VAV2: variants seen among roughly 807,000 people sequenced by gnomAD.
VAV2 encodes vav guanine nucleotide exchange factor 2.
VAV2 carries 67 observed loss-of-function variants against 132.5 expected under a neutral mutation model. That is an observed-to-expected ratio of 0.51 (90% CI 0.42 to 0.62). The LOEUF is 0.62. Among genes scored for constraint, VAV2 ranks in the 20% least tolerant of loss-of-function variants. The pLI is 0.00. For missense variants in VAV2, 938 were observed against 1,153.6 expected (o/e 0.81, Z 2.71); for synonymous variants, 492 against 443.5 (o/e 1.11, Z -1.37).
intron 1 of VAV2, among the ~76,000 whole-genome samples, chr9:133,939,547 C>T (rs992729343): frequency 2.6e-5 from 4 of 152,186 alleles, no homozygotes; most frequent in African/African-American, 9.7e-5. Context: ...CGCCACTCCC[C>T]GTAACCGTAG....
chr9:133,822,704 T>C (rs747665683), intron 4 of VAV2, among the ~76,000 whole-genome samples: 1 of 152,092 alleles, frequency 6.6e-6, no homozygotes, highest in Non-Finnish European at 1.5e-5. Context: ...AGGAGACCCG[T>C]CCACCGGACT....
At chr9:133,877,153 C>T (rs1050118512) in intron 2 of VAV2, among the ~76,000 whole-genome samples, 11 of 152,172 alleles carry the variant, frequency 7.2e-5, no homozygotes, top group African/African-American at 2.4e-4. Context: ...CCTGCTAGAC[C>T]CCCTTCTGCC....
At chr9:133,787,750 C>T (rs1242958893) in intron 15 of VAV2, among the ~76,000 whole-genome samples, 1 of 152,110 alleles carries the variant, frequency 6.6e-6, no homozygotes, top group Non-Finnish European at 1.5e-5. Flanking sequence ...GCTTCGGCCC[C>T]GTCCCTGTAG....
At chr9:133,796,709 C>T (rs1367906635) in intron 10 of VAV2, among the ~76,000 whole-genome samples, 185 bp from the exon 11 acceptor site, 3 of 152,138 alleles carry the variant, frequency 2.0e-5, no homozygotes, top group Non-Finnish European at 4.4e-5. Flanking sequence ...GGGGGCTTCA[C>T]AACACATGGC....
intron 2 of VAV2, among the ~76,000 whole-genome samples, chr9:133,911,357 C>T (rs912264092): frequency 1.3e-5 from 2 of 152,152 alleles, no homozygotes; most frequent in Non-Finnish European, 1.5e-5. Flanking sequence ...AGCCTGCACA[C>T]GTGAAATGCG....
Position 133,804,930 on chromosome 9 carries a change from G to C in VAV2, c.836+1151C>G, listed in dbSNP as rs141716007. On this transcript the variant is annotated intron_variant, in intron 9 of 29. Transcript: ENST00000371850. This position sits in a 1 kb window ranked among gnomAD's most constrained non-coding sequence, Gnocchi z 4.5. ...ACTGCCTGCTCCCTCGTGTCTCCGG[G>C]AACCCTCCAAGCCATGGCCCCTGGA... is the stretch of plus-strand genomic sequence containing the variant. Among the ~76,000 whole-genome samples the C allele has an allele frequency of 1.6e-4, 25 of 152,280 alleles. No individual in the cohort carries two copies. Among genetic ancestry groups the C allele is most frequent in the Admixed American group, 1.6e-3 (24 of 15,308 alleles).
Position 133,807,306 on chromosome 9 carries a change from C to T in VAV2, c.687G>A (p.Arg229=), listed in dbSNP as rs1297947983. 1.9e-6 allele frequency: 3 copies of T among 1,610,926 alleles called. No homozygotes were observed. Among genetic ancestry groups the T allele is most frequent in the Non-Finnish European group, 2.5e-6 (3 of 1,179,262 alleles). Residue 229 remains arginine, a synonymous_variant, in exon 8 of 30, where the codon CGG becomes CGA. Coordinates refer to ENST00000371850, the MANE Select transcript of VAV2 (RefSeq NM_001134398.2). ...DIEKNYMSPL[R]LVLSPADMAA... is the part of the protein sequence containing the mutation. ...CCATGTCCGCCGGGCTCAGCACCAG[C>T]CGCAGGGGGCTCATGTAGTTCTGGA...
intron 2 of VAV2, among the ~76,000 whole-genome samples, chr9:133,913,933 C>T (rs1388680821): frequency 6.6e-6 from 1 of 152,240 alleles, no homozygotes; most frequent in Non-Finnish European, 1.5e-5. Context: ...GCCACTCCCC[C>T]AGACTCTGCC....
chr9:133,917,630 C>T (rs1005837682), intron 2 of VAV2, among the ~76,000 whole-genome samples: 3 of 151,102 alleles, frequency 2.0e-5, no homozygotes, highest in Admixed American at 2.0e-4. Flanking sequence ...CACTCCCTGT[C>T]CTAGCCTGCC....
At chr9:133,856,009 G>T (rs1285087494) in intron 3 of VAV2, among the ~76,000 whole-genome samples, 2 of 152,232 alleles carry the variant, frequency 1.3e-5, no homozygotes, top group Non-Finnish European at 2.9e-5. Context: ...GCTACGGCTG[G>T]GTGAACCTTG....
rs1388464197 is a variant in VAV2, at chr9:133,761,911, G to A, written c.*2151C>T. On this transcript the variant is annotated 3_prime_UTR_variant, in exon 30 of 30. Transcript: ENST00000371850. ...ACCACTCCTGCAGAAAAGAACTCAG[G>A]TTTATTTGCAAGTAAAAACCATGGT... is the stretch of plus-strand genomic sequence containing the variant. 6.6e-6 allele frequency: 1 copy of A among 152,600 alleles called. No individual in the cohort carries two copies. Among genetic ancestry groups the A allele is most frequent in the Non-Finnish European group, 1.5e-5 (1 of 68,044 alleles). The allele number at this position is 152,600 out of a possible 1,614,324, so 9.5% of individuals were successfully genotyped here. A position where few individuals can be genotyped will look rare whatever the true frequency, so the allele number is the denominator to read the frequency against.
intron 2 of VAV2, among the ~76,000 whole-genome samples, chr9:133,917,702 TGGCCCA>T (rs1305307148): frequency 2.0e-5 from 3 of 152,212 alleles, no homozygotes; most frequent in Non-Finnish European, 4.4e-5. Context: ...GGAAAGCGAC[TGGCCCA>T]GGCCGGGCAT....
chr9:133,773,778 T>C (rs557093877), intron 25 of VAV2, among the ~76,000 whole-genome samples: 2 of 152,242 alleles, frequency 1.3e-5, no homozygotes, highest in South Asian at 4.2e-4. Context: ...TGCTCTAAAA[T>C]AAAAAGCACT....
At chr9:133,980,508 G>A (rs1025703693) in intron 1 of VAV2, among the ~76,000 whole-genome samples, 1 of 152,140 alleles carries the variant, frequency 6.6e-6, no homozygotes, top group Non-Finnish European at 1.5e-5. Context: ...TGCTGCCCCC[G>A]ACCCTGACAC....
chr9:133,814,900 A>G (rs923207225), intron 4 of VAV2, among the ~76,000 whole-genome samples: 1 of 152,116 alleles, frequency 6.6e-6, no homozygotes, highest in Non-Finnish European at 1.5e-5. Context: ...ATGGACACAC[A>G]TCCTTCACTC....
At chr9:133,816,591 G>C (rs12337369) in intron 4 of VAV2, among the ~76,000 whole-genome samples, 26,912 of 152,086 alleles carry the variant, frequency 0.18, 2,566 homozygotes, top group African/African-American at 0.24. Flanking sequence ...TTTCGAGCAG[G>C]GCATGGTGGC....
intron 16 of VAV2, 97 bp downstream of exon 16, chr9:133,787,149 C>T (rs766429275): frequency 1.5e-6 from 2 of 1,346,746 alleles, no homozygotes; most frequent in Non-Finnish European, 1.9e-6. Context: ...TGAGCCCAGC[C>T]CCTCAGGCCC....
chr9:133,801,089 G>A (rs1834910875), intron 9 of VAV2, among the ~76,000 whole-genome samples: 1 of 152,198 alleles, frequency 6.6e-6, no homozygotes, highest in African/African-American at 2.4e-5. Flanking sequence ...ACCCAGCCCG[G>A]AGCCTGCCTG....
At position 133,885,498 on chromosome 9, in the gene VAV2, T is replaced by G. The variant is rs1438614497; in HGVS notation, c.322-24066A>C. Among the ~76,000 whole-genome samples, 1 of 152,218 alleles carries G rather than the reference T, an allele frequency of 6.6e-6. No individual in the cohort carries two copies. The highest frequency in any genetic ancestry group is 2.4e-5 in the African/African-American group (1 of 41,450). On this transcript the variant is annotated intron_variant, in intron 2 of 29. Coordinates refer to ENST00000371850, the MANE Select transcript of VAV2 (RefSeq NM_001134398.2). The surrounding 1 kb of genome is among the most constrained non-coding windows in gnomAD (Gnocchi z 5.0). ...CCTGAGGGCCTGCCACTGTGGACTC[T>G]GCAAGTGTCGTATTTACTAATAATG... is the stretch of plus-strand genomic sequence containing the variant.
Sources: allele counts gnomAD v4.1 joint callset (sites outside exome capture counted in the v4.1 genomes callset), GRCh38; gene constraint gnomAD v4.1.1; non-coding constraint Gnocchi (gnomAD v3.1); transcripts MANE v1.5; gene names NCBI Gene and HGNC (gene_info 2026-07-23, HGNC 2026-07-21).